SLCO6A1: variants seen among roughly 807,000 people sequenced by gnomAD.
SLCO6A1 encodes solute carrier organic anion transporter family member 6A1.
In SLCO6A1, 65 loss-of-function variants were observed where a neutral mutation model predicts 72.7. That is an observed-to-expected ratio of 0.89 (90% CI 0.73 to 1.10). SLCO6A1 has a LOEUF of 1.10. Among genes scored for constraint, SLCO6A1 ranks in the 50% least tolerant of loss-of-function variants. The probability of loss-of-function intolerance (pLI) is 0.00; values close to 1 mark genes in which losing one functional copy is unlikely to be tolerated. For missense variants in SLCO6A1, 874 were observed against 872.6 expected (o/e 1.00, Z -0.02); for synonymous variants, 314 against 298.2 (o/e 1.05, Z -0.55).
intron 4 of SLCO6A1, among the ~76,000 whole-genome samples, chr5:102,463,465 C>T (rs545998055): frequency 5.3e-5 from 8 of 152,326 alleles, no homozygotes; most frequent in African/African-American, 1.9e-4. Context: ...GACACTTGCA[C>T]ATACATGTTT....
chr5:102,467,540 C>T (rs550738824), intron 4 of SLCO6A1, among the ~76,000 whole-genome samples: 47 of 152,190 alleles, frequency 3.1e-4, no homozygotes, highest in African/African-American at 6.0e-4. Flanking sequence ...ACTGCCCCCA[C>T]GATTCATTTA....
chr5:102,420,099 C>T lies in SLCO6A1; in HGVS notation c.1277-78G>A, dbSNP rs985713178. 33 of 1,203,264 alleles carry T rather than the reference C, an allele frequency of 2.7e-5. 1 individual carries two copies. The African/African-American group carries it at 3.3e-4, about 12-fold the overall frequency. 74.5% of individuals were successfully genotyped at this position (1,203,264 alleles called of 1,614,324 possible). A position where few individuals can be genotyped will look rare whatever the true frequency, so the allele number is the denominator to read the frequency against. On this transcript the variant is annotated intron_variant, in intron 7 of 13. Coordinates refer to ENST00000506729, the MANE Select transcript of SLCO6A1 (RefSeq NM_173488.5). ...GATAATACATACATTGATACAATTTCCTTTGCTCTAAACATATAGCAAACA... is the reference window on the plus strand; with the variant it reads ...GATAATACATACATTGATACAATTTTCTTTGCTCTAAACATATAGCAAACA...
chr5:102,495,376 C>G (rs980376324), intron 1 of SLCO6A1, among the ~76,000 whole-genome samples: 2 of 152,092 alleles, frequency 1.3e-5, no homozygotes, highest in Non-Finnish European at 2.9e-5. Flanking sequence ...GGCGGATCAC[C>G]AGAAGTCAGG....
chr5:102,484,248 C>T (rs1752339583), intron 1 of SLCO6A1, among the ~76,000 whole-genome samples: 1 of 152,148 alleles, frequency 6.6e-6, no homozygotes, highest in Non-Finnish European at 1.5e-5. Flanking sequence ...TGACTCCAAG[C>T]CCAATCATGT....
intron 4 of SLCO6A1, among the ~76,000 whole-genome samples, chr5:102,468,376 T>G (rs536037558): frequency 3.3e-3 from 496 of 152,208 alleles, no homozygotes; most frequent in Non-Finnish European, 5.9e-3. Context: ...TTAAGTCCAT[T>G]GTTTCTTTGT....
At chr5:102,484,614 G>A (rs1190587363) in intron 1 of SLCO6A1, among the ~76,000 whole-genome samples, 3 of 151,800 alleles carry the variant, frequency 2.0e-5, no homozygotes, top group Non-Finnish European at 4.4e-5. Flanking sequence ...TTGCGCCACT[G>A]CACTCCAGCC....
intron 7 of SLCO6A1, among the ~76,000 whole-genome samples, chr5:102,438,220 A>G (rs1749650072): frequency 6.6e-6 from 1 of 152,078 alleles, no homozygotes; most frequent in Non-Finnish European, 1.5e-5. Flanking sequence ...GATCAACACA[A>G]ATCTAAAGAA....
At chr5:102,456,742 GA>G (rs1168987335) in intron 6 of SLCO6A1, among the ~76,000 whole-genome samples, 1 of 152,056 alleles carries the variant, frequency 6.6e-6, no homozygotes, top group African/African-American at 2.4e-5. Flanking sequence ...CACAGAATTG[GA>G]AAAAACTACT....
At chr5:102,408,238 T>G (rs1561435993) in intron 9 of SLCO6A1, among the ~76,000 whole-genome samples, 1 of 151,312 alleles carries the variant, frequency 6.6e-6, no homozygotes, top group African/African-American at 2.4e-5. Flanking sequence ...TATGTGAAGA[T>G]TCTCTCTCTC....
intron 6 of SLCO6A1, among the ~76,000 whole-genome samples, chr5:102,442,511 TA>T (rs1381822717): frequency 6.6e-6 from 1 of 152,232 alleles, no homozygotes; most frequent in African/African-American, 2.4e-5. Flanking sequence ...TTTCTTAATT[TA>T]TAAAATTAAA....
At chr5:102,375,434 T>C (rs775393452) in intron 12 of SLCO6A1, among the ~76,000 whole-genome samples, 17 of 152,150 alleles carry the variant, frequency 1.1e-4, no homozygotes, top group Non-Finnish European at 2.1e-4. Flanking sequence ...AAAATGTCTG[T>C]TTCTGAAGGC....
chr5:102,388,666 T>G, intron 12 of SLCO6A1, 22 bp downstream of exon 12: 1 of 1,460,172 alleles, frequency 6.8e-7, no homozygotes. Flanking sequence ...TTTCTCTAAG[T>G]TTTTTAATAA....
chr5:102,458,265 A>T, intron 6 of SLCO6A1, 117 bp downstream of exon 6: 1 of 708,660 alleles, frequency 1.4e-6, no homozygotes, highest in South Asian at 2.2e-5. Context: ...AAAAAAGAAA[A>T]AAAAAGTCTC....
At chr5:102,406,366 G>A (rs573389281) in intron 9 of SLCO6A1, among the ~76,000 whole-genome samples, 7 of 151,688 alleles carry the variant, frequency 4.6e-5, no homozygotes, top group East Asian at 1.9e-4. Flanking sequence ...TATTATTATC[G>A]GAGACAAAAA....
intron 11 of SLCO6A1, 147 bp downstream of exon 11, chr5:102,390,834 T>C (rs1746714576): frequency 8.2e-6 from 5 of 613,242 alleles, no homozygotes; most frequent in South Asian, 6.9e-5. Context: ...CTCTTTACAT[T>C]GTCTCCTAAA....
intron 4 of SLCO6A1, among the ~76,000 whole-genome samples, chr5:102,471,456 C>T (rs1376574588): frequency 1.3e-5 from 2 of 152,018 alleles, no homozygotes; most frequent in African/African-American, 2.4e-5. Context: ...ATGTAGTGAC[C>T]ATTCCTTTCT....
Position 102,399,743 on chromosome 5 carries a change from CTG to C in SLCO6A1, c.1627-3_1627-2del, listed in dbSNP as rs1747298663. 2 of 1,552,880 alleles carry C rather than the reference CTG, an allele frequency of 1.3e-6. No homozygotes were observed. Among genetic ancestry groups the C allele is most frequent in the Admixed American group, 1.8e-5 (1 of 54,542 alleles). ...TAATGCAAGAACAATTGTAGTACAT[CTG>C]TGAGTATTGAAGACAGGAAACAATC... On this transcript the variant is annotated splice_acceptor_variant and splice_polypyrimidine_tract_variant and intron_variant, in intron 9 of 13. Coordinates refer to ENST00000506729, the MANE Select transcript of SLCO6A1 (RefSeq NM_173488.5). LOFTEE classifies it high-confidence loss of function.
At chr5:102,437,528 T>C (rs1749606498) in intron 7 of SLCO6A1, among the ~76,000 whole-genome samples, 1 of 152,110 alleles carries the variant, frequency 6.6e-6, no homozygotes, top group Non-Finnish European at 1.5e-5. Context: ...ATGAATTTAC[T>C]CCTCACATTC....
intron 10 of SLCO6A1, 33 bp from the exon 11 acceptor site, chr5:102,391,078 A>G: frequency 6.3e-7 from 1 of 1,576,496 alleles, no homozygotes; most frequent in Non-Finnish European, 8.7e-7. Flanking sequence ...TAATCAGCAC[A>G]TCATTGTTAT....
Sources: gnomAD v4.1 joint callset for allele counts (sites outside exome capture counted in the v4.1 genomes callset) on GRCh38, gnomAD v4.1.1 for gene constraint, MANE v1.5 for transcripts, NCBI Gene and HGNC (gene_info 2026-07-23, HGNC 2026-07-21) for gene names.